Variants in TENT4B observed in about 807,000 individuals in gnomAD.
TENT4B encodes the protein terminal nucleotidyltransferase 4B.
A neutral mutation model predicts 75.0 loss-of-function variants in TENT4B; 10 were observed. The ratio of observed to expected loss-of-function variants is 0.13; its 90% CI spans 0.08 to 0.23. The LOEUF (loss-of-function observed/expected upper bound fraction) is 0.23, where lower values mean the gene tolerates loss of function less well. Ranked by LOEUF, TENT4B falls within the 10% of genes least tolerant of loss-of-function variation. The pLI, the probability that TENT4B is intolerant of heterozygous loss-of-function variation, is 1.00. For missense variants in TENT4B, 579 were observed against 893.8 expected, an observed-to-expected ratio of 0.65 and a Z score of 4.49; for synonymous variants, 350 against 357.7, an observed-to-expected ratio of 0.98 and a Z score of 0.24.
At chr16:50,153,121 G>C, upstream of TENT4B, 1 of 1,106,708 alleles carries the variant, frequency 9.0e-7, no homozygotes, top group East Asian at 3.7e-5. Flanking sequence ...GACGCACGGC[G>C]AGGCCTCCCG....
chr16:50,154,176 G>T lies in TENT4B; in HGVS notation c.555G>T (p.Ala185=). The change falls in exon 1 of 12, where the codon GCG becomes GCT. Residue 185 remains alanine, a synonymous_variant. Coordinates refer to ENST00000561678, the MANE Select transcript of TENT4B (RefSeq NM_001365324.3). ...SLLQPSGGRA[A]GGGRADGGGV... is the part of the protein sequence containing the mutation. Reference sequence around the variant, plus strand: ...TGCAGCCCAGCGGAGGGCGGGCCGCGGGGGGCGGCCGAGCAGACGGCGGCG... The same window carrying T: ...TGCAGCCCAGCGGAGGGCGGGCCGCTGGGGGCGGCCGAGCAGACGGCGGCG... 1 of 1,509,538 alleles carries T rather than the reference G, an allele frequency of 6.6e-7. No individual in the cohort carries two copies. Among genetic ancestry groups the T allele is most frequent in the Non-Finnish European group, 8.8e-7 (1 of 1,136,604 alleles). The allele number at this position is 1,509,538 out of a possible 1,614,324, so 93.5% of individuals were successfully genotyped here.
At position 50,231,404 on chromosome 16, in the gene TENT4B, A is replaced by C. The variant is rs1424656345; in HGVS notation, c.*2076A>C. 2 of 983,942 alleles carry C rather than the reference A, an allele frequency of 2.0e-6. No individual in the cohort carries two copies. Among genetic ancestry groups the C allele is most frequent in the African/African-American group, 3.5e-5 (2 of 57,206 alleles). The allele number at this position is 983,942 out of a possible 1,614,324, so 61.0% of individuals were successfully genotyped here. Reference sequence around the variant, plus strand: ...AAATCCAGTATTAGCTGCCTATTTCAGACACTTAATACTTGCAGAGATCTA... The same window carrying C: ...AAATCCAGTATTAGCTGCCTATTTCCGACACTTAATACTTGCAGAGATCTA... On this transcript the variant is annotated 3_prime_UTR_variant, in exon 12 of 12. Transcript: ENST00000561678.
chr16:50,217,455 C>A, intron 4 of TENT4B, 101 bp from the exon 5 acceptor site: 1 of 627,480 alleles, frequency 1.6e-6, no homozygotes, highest in Non-Finnish European at 2.7e-6. Flanking sequence ...CTTATGCTCT[C>A]ATGAGATGAT....
intron 5 of TENT4B, 45 bp downstream of exon 5, chr16:50,217,708 A>T (rs1411689006): frequency 8.7e-7 from 1 of 1,147,428 alleles, no homozygotes; most frequent in South Asian, 1.5e-5. Context: ...TAGAAACGTA[A>T]TTTTAAGATT....
In TENT4B at chr16:50,229,833, A is replaced by G. The variant is rs2032218248; in HGVS notation, c.*505A>G. The G allele has an allele frequency of 4.4e-6, 4 of 914,012 alleles. No homozygotes were observed. The highest frequency in any genetic ancestry group is 3.6e-5 in the African/African-American group (2 of 55,568). 56.6% of individuals were successfully genotyped at this position (914,012 alleles called of 1,614,324 possible). On this transcript the variant is annotated 3_prime_UTR_variant, in exon 12 of 12. Coordinates refer to ENST00000561678, the MANE Select transcript of TENT4B (RefSeq NM_001365324.3). ...ATTTACCATTTTATTGTGTGTATAT[A>G]TAGAAGACCATATAGGAGATTGATA...
In TENT4B at chr16:50,225,079, T is replaced by C; in HGVS notation, c.1613-19T>C. 2 of 1,609,284 alleles carry C rather than the reference T, an allele frequency of 1.2e-6. No individual in the cohort carries two copies. Among genetic ancestry groups the C allele is most frequent in the Non-Finnish European group, 1.7e-6 (2 of 1,176,860 alleles). The stretch of plus-strand genomic sequence containing the variant: ...TTTAATGGGAAGAAACGTTTTCCAA[T>C]CTTTTGCCACTCTTTCAGGAAATGG... On this transcript the variant is annotated intron_variant, in intron 9 of 11. Transcript: ENST00000561678.
rs994087948 is a variant in TENT4B at position 50,234,926 on chromosome 16, C to G, written c.*5598C>G. ...TTTATGTATTTCCTTCTTTGATTAG[C>G]ATTGTCTTCAGTGTTAAGAAATGTG... is the stretch of plus-strand genomic sequence containing the variant. On this transcript the variant is annotated 3_prime_UTR_variant, in exon 12 of 12. Coordinates refer to ENST00000561678, the MANE Select transcript of TENT4B (RefSeq NM_001365324.3). 9.1e-6 allele frequency: 9 copies of G among 985,612 alleles called. No individual in the cohort carries two copies. The highest frequency in any genetic ancestry group is 1.1e-5 in the Non-Finnish European group (9 of 829,842). The allele number at this position is 985,612 out of a possible 1,614,324, so 61.1% of individuals were successfully genotyped here.
At chr16:50,212,775 C>T (rs973749375) in intron 2 of TENT4B, among the ~76,000 whole-genome samples, 2 of 152,172 alleles carry the variant, frequency 1.3e-5, no homozygotes, top group African/African-American at 2.4e-5. Context: ...ACTGGGTACG[C>T]ACTGCTAGTA....
At chr16:50,225,489 C>T (rs745507398) in intron 10 of TENT4B, among the ~76,000 whole-genome samples, 5 of 152,154 alleles carry the variant, frequency 3.3e-5, no homozygotes, top group Non-Finnish European at 7.3e-5. Flanking sequence ...TTTTAGTGAG[C>T]ATTCATGTAC....
chr16:50,163,937 C>T (rs932626359), intron 1 of TENT4B, among the ~76,000 whole-genome samples: 1 of 151,066 alleles, frequency 6.6e-6, no homozygotes, highest in African/African-American at 2.4e-5. Context: ...GCAGGAGCAT[C>T]ACCTGAGGTC....
intron 1 of TENT4B, among the ~76,000 whole-genome samples, chr16:50,190,995 T>C (rs1241693524): frequency 2.6e-5 from 4 of 152,056 alleles, no homozygotes; most frequent in Non-Finnish European, 5.9e-5. Flanking sequence ...GCTTATTTCA[T>C]TAGCTTAATG....
At chr16:50,159,757 G>A (rs1295029794) in intron 1 of TENT4B, among the ~76,000 whole-genome samples, 3 of 152,072 alleles carry the variant, frequency 2.0e-5, no homozygotes, top group African/African-American at 7.2e-5. Flanking sequence ...TACTGATTTG[G>A]GTACTGACAT....
chr16:50,182,216 A>G (rs2038429018), intron 1 of TENT4B, among the ~76,000 whole-genome samples: 1 of 152,118 alleles, frequency 6.6e-6, no homozygotes, highest in Non-Finnish European at 1.5e-5. Context: ...GCAGTGAGCC[A>G]AGACTACACT....
At position 50,230,834 on chromosome 16, in the gene TENT4B, T is replaced by G. The variant is rs2032269992; in HGVS notation, c.*1506T>G. The G allele has an allele frequency of 1.0e-6, 1 of 985,502 alleles. No homozygotes were observed. The highest frequency in any genetic ancestry group is 1.2e-6 in the Non-Finnish European group (1 of 829,766). 61.0% of individuals were successfully genotyped at this position (985,502 alleles called of 1,614,324 possible). A position where few individuals can be genotyped will look rare whatever the true frequency, so the allele number is the denominator to read the frequency against. On this transcript the variant is annotated 3_prime_UTR_variant, in exon 12 of 12. Coordinates refer to ENST00000561678, the MANE Select transcript of TENT4B (RefSeq NM_001365324.3). ...GTAAGTGACATTTCTGAAAATGCTT[T>G]CTTTCAGGGTGAAAGCTCTTATGTT... is the stretch of plus-strand genomic sequence containing the variant.
At position 50,225,154 on chromosome 16, in the gene TENT4B, C is replaced by T; in HGVS notation, c.1669C>T (p.Leu557=). The T allele has an allele frequency of 1.2e-6, 2 of 1,613,110 alleles. No homozygotes were observed. Among genetic ancestry groups the T allele is most frequent in the Non-Finnish European group, 8.5e-7 (1 of 1,179,240 alleles). ...GCAGTTAGATAAATGTAATAATAAT[C>T]TATCTGAAGAAAATGAAGCCCTTGG... The part of the protein sequence containing the change: ...TQQLDKCNNN[L]SEENEALGKC... The change falls in exon 10 of 12, where the codon CTA becomes TTA. Residue 557 remains leucine (L), a synonymous_variant. Coordinates refer to ENST00000561678, the MANE Select transcript of TENT4B (RefSeq NM_001365324.3).
rs147980370 is a variant in TENT4B at position 50,209,555 on chromosome 16, T to C, written c.639-1768T>C. 1.3e-4 allele frequency among the ~76,000 whole-genome samples: 20 copies of C among 152,354 alleles called. No homozygotes were observed. The East Asian group carries it at 3.7e-3, about 28-fold the overall frequency. ...TCACCTACAGACCTCTCTGGAGTTTTAAGATCCACGTTTTATGACATATTG... is the reference window on the plus strand; with the variant it reads ...TCACCTACAGACCTCTCTGGAGTTTCAAGATCCACGTTTTATGACATATTG... On this transcript the variant is annotated intron_variant, in intron 1 of 11. Coordinates refer to ENST00000561678, the MANE Select transcript of TENT4B (RefSeq NM_001365324.3).
intron 3 of TENT4B, 118 bp from the exon 4 acceptor site, chr16:50,215,957 C>G (rs1047158307): frequency 1.6e-6 from 2 of 1,242,870 alleles, no homozygotes; most frequent in African/African-American, 3.0e-5. Context: ...ATTTAGTCTT[C>G]GTTGGCCAGG....
intron 1 of TENT4B, among the ~76,000 whole-genome samples, chr16:50,175,273 G>A (rs2038284387): frequency 6.6e-6 from 1 of 152,080 alleles, no homozygotes; most frequent in Admixed American, 6.6e-5. Context: ...CTTTTGCAGA[G>A]CACACATTAT....
intron 1 of TENT4B, among the ~76,000 whole-genome samples, chr16:50,184,883 A>T (rs2038495781): frequency 6.6e-6 from 1 of 152,080 alleles, no homozygotes; most frequent in South Asian, 2.1e-4. Flanking sequence ...GTGTGAGCAT[A>T]CATTTTTCAT....
Sources: gnomAD v4.1 joint callset for allele counts (sites outside exome capture counted in the v4.1 genomes callset) on GRCh38, gnomAD v4.1.1 for gene constraint, MANE v1.5 for transcripts, NCBI Gene and HGNC (gene_info 2026-07-23, HGNC 2026-07-21) for gene names.